KIAA1217: variants seen among roughly 807,000 people sequenced by gnomAD.
KIAA1217 encodes KIAA1217.
A neutral mutation model predicts 163.9 loss-of-function variants in KIAA1217; 88 were observed. The ratio of observed to expected loss-of-function variants is 0.54; its 90% CI spans 0.45 to 0.64. The LOEUF is 0.64. Ranked by LOEUF, KIAA1217 falls within the 30% of genes least tolerant of loss-of-function variation. The pLI is 0.00. For synonymous variants in KIAA1217, 903 were observed against 923.1 expected (o/e 0.98, Z 0.39); for missense variants, 2,372 against 2,475.0 (o/e 0.96, Z 0.88).
intron 2 of KIAA1217, among the ~76,000 whole-genome samples, chr10:24,048,941 G>A (rs546202680): frequency 3.5e-5 from 5 of 143,030 alleles, no homozygotes; most frequent in Admixed American, 7.2e-5. Context: ...TGAGGCAGGA[G>A]AATTGCTTGA....
At chr10:23,951,991 A>G (rs1427383912) in intron 1 of KIAA1217, among the ~76,000 whole-genome samples, 4 of 152,222 alleles carry the variant, frequency 2.6e-5, no homozygotes, top group Admixed American at 2.0e-4. Flanking sequence ...ACTAAGATGT[A>G]CATTTAATCA....
intron 1 of KIAA1217, among the ~76,000 whole-genome samples, chr10:23,950,828 G>T (rs927819376): frequency 3.9e-5 from 6 of 152,192 alleles, no homozygotes; most frequent in African/African-American, 1.4e-4. Context: ...CTCCATGAGG[G>T]CTCAGATTGT....
intron 1 of KIAA1217, among the ~76,000 whole-genome samples, chr10:23,861,834 C>CTGACA (rs1294846234): frequency 6.6e-6 from 1 of 152,170 alleles, no homozygotes; most frequent in Non-Finnish European, 1.5e-5. Context: ...TCCAGGCCAG[C>CTGACA]TGACACATGG....
chr10:24,516,259 G>A (rs561999316), intron 10 of KIAA1217, among the ~76,000 whole-genome samples: 1 of 152,360 alleles, frequency 6.6e-6, no homozygotes, highest in East Asian at 1.9e-4. Context: ...AGTCCAGTTA[G>A]GCAGCAGAGT....
chr10:24,455,650 A>G (rs1201866768), intron 5 of KIAA1217, among the ~76,000 whole-genome samples: 1 of 152,218 alleles, frequency 6.6e-6, no homozygotes. Context: ...ACAAGTAATG[A>G]CACGGGTGCT....
At chr10:24,544,507 A>G (rs757196073) in intron 19 of KIAA1217, 26 bp downstream of exon 19, 7 of 1,577,476 alleles carry the variant, frequency 4.4e-6, no homozygotes, top group African/African-American at 2.7e-5. Flanking sequence ...GGAAAATGAA[A>G]AGACCCAGCT....
intron 2 of KIAA1217, among the ~76,000 whole-genome samples, chr10:24,031,440 G>A (rs373096979): frequency 5.9e-5 from 9 of 151,928 alleles, no homozygotes; most frequent in Non-Finnish European, 1.0e-4. Context: ...AGCCGGAACC[G>A]CAGCATATGC....
chr10:24,170,972 CA>C (rs2065601573), intron 2 of KIAA1217, among the ~76,000 whole-genome samples: 1 of 152,158 alleles, frequency 6.6e-6, no homozygotes, highest in Admixed American at 6.5e-5. Flanking sequence ...AGTAGAAAAG[CA>C]AATTCCAATG....
At chr10:24,369,488 G>A (rs1302800936) in intron 2 of KIAA1217, among the ~76,000 whole-genome samples, 3 of 152,014 alleles carry the variant, frequency 2.0e-5, no homozygotes, top group South Asian at 4.2e-4. Context: ...GAGGGTGAGG[G>A]CCTTTGCTAG....
upstream of KIAA1217, among the ~76,000 whole-genome samples, chr10:24,207,887 T>C (rs1392601766): frequency 6.6e-6 from 1 of 151,740 alleles, no homozygotes; most frequent in Non-Finnish European, 1.5e-5. Context: ...ATCTGGAACA[T>C]AGGCTGGCCA....
chr10:24,208,061 T>G (rs2067662017), upstream of KIAA1217, among the ~76,000 whole-genome samples: 1 of 152,026 alleles, frequency 6.6e-6, no homozygotes, highest in African/African-American at 2.4e-5. Context: ...CTAGCTACTG[T>G]GTTACTCTGA....
chr10:23,776,299 T>C (rs1426849839), intron 1 of KIAA1217, among the ~76,000 whole-genome samples: 1 of 151,578 alleles, frequency 6.6e-6, no homozygotes, highest in African/African-American at 2.4e-5. Flanking sequence ...TAAAGTAATT[T>C]AGTCAATGTT....
At chr10:23,875,194 C>T (rs551219887) in intron 1 of KIAA1217, among the ~76,000 whole-genome samples, 79 of 145,352 alleles carry the variant, frequency 5.4e-4, no homozygotes, top group Admixed American at 4.8e-3. Flanking sequence ...CTGAAGATCA[C>T]ATTTTAACAT....
chr10:24,439,133 A>C (rs1238929334), intron 5 of KIAA1217, among the ~76,000 whole-genome samples: 1 of 152,230 alleles, frequency 6.6e-6, no homozygotes, highest in African/African-American at 2.4e-5. Context: ...AAAAAGAAGG[A>C]GAAACTGAAA....
intron 1 of KIAA1217, among the ~76,000 whole-genome samples, chr10:23,829,124 A>G (rs997133570): frequency 2.0e-5 from 3 of 152,216 alleles, no homozygotes; most frequent in Non-Finnish European, 2.9e-5. Flanking sequence ...CAGGAATCAC[A>G]GCTAAGGTTG....
chr10:24,540,011 T>C (rs2135391150), intron 17 of KIAA1217, among the ~76,000 whole-genome samples: 1 of 152,344 alleles, frequency 6.6e-6, no homozygotes, highest in African/African-American at 2.4e-5. Flanking sequence ...ACCCAGAGTC[T>C]TGACCATCTA....
At chr10:23,982,400 T>C (rs1271499952) in intron 1 of KIAA1217, among the ~76,000 whole-genome samples, 1 of 152,300 alleles carries the variant, frequency 6.6e-6, no homozygotes, top group South Asian at 2.1e-4. Flanking sequence ...GGAGTGACGC[T>C]GGCCTCTAAA....
chr10:24,498,763 G>T (rs377526580), intron 8 of KIAA1217, among the ~76,000 whole-genome samples: 2 of 152,180 alleles, frequency 1.3e-5, no homozygotes, highest in Admixed American at 1.3e-4. Context: ...GAGGCTCGGG[G>T]AATTGCACCG....
intron 1 of KIAA1217, among the ~76,000 whole-genome samples, chr10:23,960,411 C>T (rs1844773235): frequency 6.6e-6 from 1 of 152,194 alleles, no homozygotes. Flanking sequence ...GCACGTGCCA[C>T]CACACCTGGC....
Sources: allele counts gnomAD v4.1 joint callset (sites outside exome capture counted in the v4.1 genomes callset), GRCh38; gene constraint gnomAD v4.1.1; transcripts MANE v1.5; gene names NCBI Gene and HGNC (gene_info 2026-07-23, HGNC 2026-07-21).